The following TSHZ3 variants were observed in gnomAD, a reference collection of about 807,000 sequenced individuals.
TSHZ3 encodes the protein teashirt homolog 3.
TSHZ3 carries 10 observed loss-of-function variants against 64.5 expected under a neutral mutation model. The observed-to-expected ratio is 0.16, with a 90% CI of 0.10 to 0.26. The LOEUF is 0.26. Ranked by LOEUF, TSHZ3 falls within the 10% of genes least tolerant of loss-of-function variation. The pLI, the probability that TSHZ3 is intolerant of heterozygous loss-of-function variation, is 1.00. For synonymous variants in TSHZ3, 608 were observed against 593.1 expected (o/e 1.03, Z -0.36); for missense variants, 1,242 against 1,421.7 (o/e 0.87, Z 2.03).
At chr19:31,287,901 G>T (rs1368780866) in intron 1 of TSHZ3, among the ~76,000 whole-genome samples, 1 of 152,008 alleles carries the variant, frequency 6.6e-6, no homozygotes, top group Non-Finnish European at 1.5e-5. Flanking sequence ...CTGCTTCCCT[G>T]AATACTCAGA....
intron 1 of TSHZ3, among the ~76,000 whole-genome samples, chr19:31,282,617 T>A (rs1008443279): frequency 1.3e-5 from 2 of 152,056 alleles, no homozygotes; most frequent in African/African-American, 4.8e-5. Context: ...CCCCAACACA[T>A]GCACCATGAA....
At chr19:31,157,152 C>T (rs894028681) in intron 5 of TSHZ3, among the ~76,000 whole-genome samples, 1 of 151,970 alleles carries the variant, frequency 6.6e-6, no homozygotes, top group Admixed American at 6.6e-5. Flanking sequence ...GGTGGGTGCA[C>T]AGGAAAACCA....
At chr19:31,344,219 C>A (rs944038302) in intron 1 of TSHZ3, among the ~76,000 whole-genome samples, 5 of 152,100 alleles carry the variant, frequency 3.3e-5, no homozygotes, top group African/African-American at 1.2e-4. Context: ...TGAACACCTG[C>A]AAGGGTTTGG....
intron 1 of TSHZ3, among the ~76,000 whole-genome samples, chr19:31,307,386 C>T (rs925878743): frequency 1.8e-4 from 27 of 152,070 alleles, no homozygotes; most frequent in Admixed American, 5.9e-4. Context: ...GCTGGGGAGA[C>T]GGGAAGATGG....
In TSHZ3 at chr19:31,277,131, C is replaced by A. The variant is rs547631684; in HGVS notation, c.2662G>T (p.Ala888Ser). ...TLEEAEESTP[A>S]QKRKGRQSNW... ...GACTGGCGGCCCTTCCTCTTCTGGG[C>A]GGGCGTCGACTCCTCAGCCTCCTCC... The change falls in exon 2 of 2, where the codon GCC becomes TCC. Residue 888 changes from alanine (A) to serine (S), a missense_variant. Ala to Ser is a moderately conservative substitution (Grantham distance 99). Around this residue, in one of 4 missense-constraint regions of TSHZ3, gnomAD observed 550 missense variants for 545.1 expected, o/e 1.01. Transcript: ENST00000240587. The surrounding 1 kb of genome is among the most constrained non-coding windows in gnomAD (Gnocchi z 4.5). 6.2e-7 allele frequency: 1 copy of A among 1,604,756 alleles called. No individual in the cohort carries two copies. Among genetic ancestry groups the A allele is most frequent in the Admixed American group, 1.7e-5 (1 of 59,468 alleles).
Position 31,184,229 on chromosome 19 carries a change from G to C in TSHZ3, n.809+20727C>G, listed in dbSNP as rs1048606847. On this transcript the variant is annotated intron_variant and non_coding_transcript_variant, in intron 5 of 6. Coordinates refer to the TSHZ3 transcript ENST00000651361. ...ATTTTCTTTTTTAAGATAATTGTAG[G>C]AAAAAGCTCTCTTTCTTGTCTTGTA... Among the ~76,000 whole-genome samples the C allele has an allele frequency of 5.9e-5, 9 of 152,104 alleles. No homozygotes were observed. The East Asian group carries it at 1.5e-3, about 26-fold the overall frequency.
In TSHZ3 at chr19:31,276,300, A is replaced by C; in HGVS notation, c.*247T>G. The C allele has an allele frequency of 2.8e-6, 1 of 358,700 alleles. No individual in the cohort carries two copies. The highest frequency in any genetic ancestry group is 4.3e-5 in the East Asian group (1 of 23,348). The allele number at this position is 358,700 out of a possible 1,614,324, so 22.2% of individuals were successfully genotyped here. On this transcript the variant is annotated 3_prime_UTR_variant, in exon 2 of 2. Transcript: ENST00000240587. ...AGCATCGGGAGGATGCTCACAACTA[A>C]ATCCCGTTTACACAAAGTTCCAAAC...
At chr19:31,299,763 C>T (rs1343956054) in intron 1 of TSHZ3, among the ~76,000 whole-genome samples, 1 of 152,140 alleles carries the variant, frequency 6.6e-6, no homozygotes, top group Non-Finnish European at 1.5e-5. Context: ...AAAATTACTT[C>T]GGGGGTCTCT....
chr19:31,282,766 C>A (rs574635323), intron 1 of TSHZ3, among the ~76,000 whole-genome samples: 1 of 152,138 alleles, frequency 6.6e-6, no homozygotes, highest in Non-Finnish European at 1.5e-5. Context: ...AACCTCTCAA[C>A]CTCCCTGGTG....
intron 1 of TSHZ3, among the ~76,000 whole-genome samples, chr19:31,251,724 A>G (rs1023998118): frequency 7.9e-5 from 12 of 152,230 alleles, no homozygotes; most frequent in African/African-American, 2.9e-4. Flanking sequence ...AGGCCCCCGG[A>G]AGATGCAGCA....
intron 1 of TSHZ3, among the ~76,000 whole-genome samples, chr19:31,252,811 CT>C (rs1568360270): frequency 6.6e-6 from 1 of 152,122 alleles, no homozygotes; most frequent in Non-Finnish European, 1.5e-5. Context: ...GGCAAAGACC[CT>C]TTTTCCAAAT....
intron 3 of TSHZ3, among the ~76,000 whole-genome samples, chr19:31,228,344 A>T (rs1975497476): frequency 6.6e-6 from 1 of 151,936 alleles, no homozygotes; most frequent in Non-Finnish European, 1.5e-5. Flanking sequence ...TGGGCAACAT[A>T]GTGAAACCCT....
exon 3 of TSHZ3, among the ~76,000 whole-genome samples, chr19:31,242,453 T>TA (rs1975704492): frequency 6.6e-6 from 1 of 152,032 alleles, no homozygotes; most frequent in Non-Finnish European, 1.5e-5. Flanking sequence ...CATCCTAGAG[T>TA]ACAAAGGCCT....
At chr19:31,280,460 C>T (rs1371722390) in intron 1 of TSHZ3, among the ~76,000 whole-genome samples, 1 of 152,002 alleles carries the variant, frequency 6.6e-6, no homozygotes, top group African/African-American at 2.4e-5. Context: ...CAGCTACCAC[C>T]CAGCCCCCAG....
intron 1 of TSHZ3, among the ~76,000 whole-genome samples, chr19:31,243,495 C>T (rs1975723096): frequency 6.6e-6 from 1 of 152,200 alleles, no homozygotes; most frequent in Non-Finnish European, 1.5e-5. Context: ...TGCATGGTAT[C>T]CTATATCATA....
chr19:31,346,192 C>G (rs908319312), intron 1 of TSHZ3, among the ~76,000 whole-genome samples: 4 of 152,180 alleles, frequency 2.6e-5, no homozygotes, highest in African/African-American at 9.7e-5. Flanking sequence ...CCGTGTGTAC[C>G]TGTGTGCCAC....
At chr19:31,155,640 A>T (rs982385390) in intron 6 of TSHZ3, among the ~76,000 whole-genome samples, 1 of 152,208 alleles carries the variant, frequency 6.6e-6, no homozygotes, top group African/African-American at 2.4e-5. Context: ...ATTTTAGATT[A>T]GACGTCCTTT....
chr19:31,277,319 G>C lies in TSHZ3; in HGVS notation c.2474C>G (p.Ala825Gly). 1 of 1,613,310 alleles carries C rather than the reference G, an allele frequency of 6.2e-7. No homozygotes were observed. The highest frequency in any genetic ancestry group is 2.2e-5 in the East Asian group (1 of 44,856). The change falls in exon 2 of 2, where the codon GCA becomes GGA. Residue 825 changes from alanine (A) to glycine (G), a missense_variant. Around this residue, in one of 4 missense-constraint regions of TSHZ3, gnomAD observed 550 missense variants for 545.1 expected, o/e 1.01. Transcript: ENST00000240587. The surrounding 1 kb of genome is among the most constrained non-coding windows in gnomAD (Gnocchi z 4.5). ...PATSSSTVTT[A>G]KTSAVVSFMS... ...GAATGATACGACGGCAGATGTCTTT[G>C]CCGTTGTCACCGTGGATGAGGAGGT... is the stretch of plus-strand genomic sequence containing the variant.
At chr19:31,337,946 A>G (rs1343947967) in intron 1 of TSHZ3, among the ~76,000 whole-genome samples, 1 of 152,234 alleles carries the variant, frequency 6.6e-6, no homozygotes, top group Non-Finnish European at 1.5e-5. Flanking sequence ...TTTCTATCCC[A>G]TCATTCTTAA....
Sources: gnomAD v4.1 joint callset for allele counts (sites outside exome capture counted in the v4.1 genomes callset) on GRCh38, gnomAD v4.1.1 for gene constraint, gnomAD v4.1.1 regional missense constraint, Gnocchi (gnomAD v3.1) non-coding constraint, MANE v1.5 for transcripts, NCBI Gene and HGNC (gene_info 2026-07-23, HGNC 2026-07-21) for gene names.